SPATA2: variants seen among roughly 807,000 people sequenced by gnomAD.
The protein encoded by SPATA2 is spermatogenesis-associated protein 2.
In SPATA2, 8 loss-of-function variants were observed where a neutral mutation model predicts 35.4. That is an observed-to-expected ratio of 0.23 (90% CI 0.13 to 0.41). SPATA2 has a LOEUF of 0.41. SPATA2 is among the 10% of genes least tolerant of loss of function. The probability of loss-of-function intolerance (pLI) is 1.00; values close to 1 mark genes in which losing one functional copy is unlikely to be tolerated. For synonymous variants in SPATA2, 293 were observed against 300.9 expected (o/e 0.97, Z 0.27); for missense variants, 650 against 698.7 (o/e 0.93, Z 0.79).
Position 49,905,158 on chromosome 20 carries a change from C to T in SPATA2, c.*461G>A, listed in dbSNP as rs1252136976. ...GGAGAGGCCCCGTGTGGCAGGAGGG[C>T]TCATTTCACAAGCCAACAGGCCTCT... On this transcript the variant is annotated 3_prime_UTR_variant, in exon 3 of 3. Coordinates refer to ENST00000289431, the MANE Select transcript of SPATA2 (RefSeq NM_006038.4). The T allele has an allele frequency of 6.3e-6, 1 of 159,718 alleles. No individual in the cohort carries two copies. The highest frequency in any genetic ancestry group is 1.4e-5 in the Non-Finnish European group (1 of 72,270). 9.9% of individuals were successfully genotyped at this position (159,718 alleles called of 1,614,324 possible).
chr20:49,915,121 G>A (rs1472848689), intron 1 of SPATA2, among the ~76,000 whole-genome samples: 1 of 152,184 alleles, frequency 6.6e-6, no homozygotes, highest in Admixed American at 6.5e-5. Context: ...GCCAGTCGCC[G>A]AAGAGGGGTG....
intron 1 of SPATA2, among the ~76,000 whole-genome samples, chr20:49,909,957 G>A (rs2284649): frequency 0.037 from 5,647 of 152,308 alleles, 147 homozygotes; most frequent in East Asian, 0.094. Flanking sequence ...GACAGCCTGC[G>A]GCCCCTTTAT....
intron 1 of SPATA2, among the ~76,000 whole-genome samples, chr20:49,912,726 C>A (rs1385944408): frequency 6.6e-6 from 1 of 152,130 alleles, no homozygotes; most frequent in Non-Finnish European, 1.5e-5. Context: ...CCACAGTCCA[C>A]ACCCTTGTTT....
In SPATA2 at chr20:49,905,693, C is replaced by T; in HGVS notation, c.1489G>A (p.Glu497Lys). 6.2e-7 allele frequency: 1 copy of T among 1,614,232 alleles called. No individual in the cohort carries two copies. The highest frequency in any genetic ancestry group is 8.5e-7 in the Non-Finnish European group (1 of 1,180,048). The change falls in exon 3 of 3, where the codon GAG becomes AAG. Residue 497 changes from glutamate (E) to lysine (K), a missense_variant. Transcript: ENST00000289431. ...TTGTTGGGCATGAACTTGTGCAGCTCACTCTTTTTGTAGCAGGGGTCATAA... is the reference window on the plus strand; with the variant it reads ...TTGTTGGGCATGAACTTGTGCAGCTTACTCTTTTTGTAGCAGGGGTCATAA... ...YHYDPCYKKSELHKFMPNNQL... is the reference protein window; with the variant it reads ...YHYDPCYKKSKLHKFMPNNQL...
chr20:49,915,217 G>A (rs1032213631), intron 1 of SPATA2, among the ~76,000 whole-genome samples, 163 bp downstream of exon 1: 1 of 152,208 alleles, frequency 6.6e-6, no homozygotes, highest in African/African-American at 2.4e-5. Flanking sequence ...CCTGAGGATA[G>A]GCTGGGGGTC....
rs761760666 is a variant in SPATA2 at position 49,908,498 on chromosome 20, A to AG, written c.-9dup. 4 of 1,576,860 alleles carry AG rather than the reference A, an allele frequency of 2.5e-6. No homozygotes were observed. Among genetic ancestry groups the AG allele is most frequent in the Admixed American group, 3.4e-5 (2 of 58,416 alleles). ...TGAACTGGGCTTCCCCATCCGATCG[A>AG]GGGGGGCTACCTTATCTCCTCCATG... is the stretch of plus-strand genomic sequence containing the variant. On this transcript the variant is annotated 5_prime_UTR_variant, in exon 2 of 3. Coordinates refer to ENST00000289431, the MANE Select transcript of SPATA2 (RefSeq NM_006038.4).
In SPATA2 at chr20:49,903,719, C is replaced by T. The variant is rs2090120645; in HGVS notation, c.*1900G>A. ...AGAGTTAGTTACTGTAATGCTGGCG[C>T]AATCTGGAAATGGAAAACTAGAAAA... On this transcript the variant is annotated 3_prime_UTR_variant, in exon 3 of 3. Coordinates refer to ENST00000289431, the MANE Select transcript of SPATA2 (RefSeq NM_006038.4). 6.6e-6 allele frequency: 1 copy of T among 151,804 alleles called. No homozygotes were observed. The highest frequency in any genetic ancestry group is 1.5e-5 in the Non-Finnish European group (1 of 67,992). 9.4% of individuals were successfully genotyped at this position (151,804 alleles called of 1,614,324 possible).
At position 49,906,327 on chromosome 20, in the gene SPATA2, G is replaced by A. The variant is rs773466538; in HGVS notation, c.855C>T (p.Asp285=). The A allele has an allele frequency of 2.2e-5, 36 of 1,606,172 alleles. No homozygotes were observed. The highest frequency in any genetic ancestry group is 1.2e-5 in the Non-Finnish European group (14 of 1,175,372). The change falls in exon 3 of 3, where the codon GAC becomes GAT. Residue 285 remains aspartate (D), a synonymous_variant. Coordinates refer to ENST00000289431, the MANE Select transcript of SPATA2 (RefSeq NM_006038.4). This position sits in a 1 kb window ranked among gnomAD's most constrained non-coding sequence, Gnocchi z 8.2. The stretch of plus-strand genomic sequence containing the variant: ...GGCGGATGATCTCATCCTTGAGGTC[G>A]TCCCCCACATCCGTTGCCACAGGCT... The part of the protein sequence containing the change: ...RKEPVATDVG[D]DLKDEIIRPS...
In SPATA2 at chr20:49,905,492, G is replaced by C; in HGVS notation, c.*127C>G. The C allele has an allele frequency of 7.5e-6, 8 of 1,059,608 alleles. No homozygotes were observed. The highest frequency in any genetic ancestry group is 1.1e-5 in the Non-Finnish European group (8 of 732,852). 65.6% of individuals were successfully genotyped at this position (1,059,608 alleles called of 1,614,324 possible). On this transcript the variant is annotated 3_prime_UTR_variant, in exon 3 of 3. Transcript: ENST00000289431. ...TCCCACGTGGACACAGCCAGCCCAC[G>C]ATCTCTGCCACCTACATGGTCAAGT...
chr20:49,911,266 A>G (rs1165862293), intron 1 of SPATA2, among the ~76,000 whole-genome samples: 1 of 152,152 alleles, frequency 6.6e-6, no homozygotes, highest in Non-Finnish European at 1.5e-5. Context: ...CCTCCCTGGT[A>G]AGCTGGTAAG....
chr20:49,910,822 C>A (rs2090178528), intron 1 of SPATA2, among the ~76,000 whole-genome samples: 1 of 152,172 alleles, frequency 6.6e-6, no homozygotes, highest in Non-Finnish European at 1.5e-5. Flanking sequence ...TGTAGCAAAA[C>A]TAGGGACACA....
rs2090137853 is a variant in SPATA2, at chr20:49,905,814, G to A, written c.1368C>T (p.Pro456=). Residue 456 remains proline (P), a synonymous_variant, in exon 3 of 3, where the codon CCC becomes CCT. Transcript: ENST00000289431. ...LHSKSKPSTT[P]TSRCGFCNRP... The stretch of plus-strand genomic sequence containing the variant: ...GGTTGCAGAAGCCACAGCGGGAAGT[G>A]GGCGTGGTGGAGGGCTTGGATTTGG... 6.2e-7 allele frequency: 1 copy of A among 1,614,208 alleles called. No individual in the cohort carries two copies. The highest frequency in any genetic ancestry group is 8.5e-7 in the Non-Finnish European group (1 of 1,180,008).
At chr20:49,910,892 A>G (rs912534870) in intron 1 of SPATA2, among the ~76,000 whole-genome samples, 1 of 152,208 alleles carries the variant, frequency 6.6e-6, no homozygotes, top group Non-Finnish European at 1.5e-5. Flanking sequence ...ACAGTGACAA[A>G]TAAGGCTGAG....
rs150044824 is a variant in SPATA2, at chr20:49,906,391, C to T, written c.791G>A (p.Arg264Gln). The change falls in exon 3 of 3, where the codon CGG becomes CAG. Residue 264 changes from arginine to glutamine, a missense_variant. Arg to Gln is a conservative substitution (Grantham distance 43). Transcript: ENST00000289431. This position sits in a 1 kb window ranked among gnomAD's most constrained non-coding sequence, Gnocchi z 8.2. ...CAATGAGGCCTTCAGGGGTGGCTTC[C>T]GGCTCTCCCAGTAGCTGTCATAGGC... ...VDAYDSYWESRKPPLKASLSL... is the reference protein window; with the variant it reads ...VDAYDSYWESQKPPLKASLSL... 2.9e-5 allele frequency: 46 copies of T among 1,613,586 alleles called. No homozygotes were observed. Among genetic ancestry groups the T allele is most frequent in the Middle Eastern group, 1.6e-4 (1 of 6,084 alleles).
In SPATA2 at chr20:49,905,355, C is replaced by G; in HGVS notation, c.*264G>C. 1 of 479,354 alleles carries G rather than the reference C, an allele frequency of 2.1e-6. No individual in the cohort carries two copies. Among genetic ancestry groups the G allele is most frequent in the South Asian group, 4.0e-5 (1 of 25,014 alleles). 29.7% of individuals were successfully genotyped at this position (479,354 alleles called of 1,614,324 possible). Reference sequence around the variant, plus strand: ...AACAAAACCCCAAAAAAAGAACCAACTGAACAGGGAGTGGAGAGATTAGCA... The same window carrying G: ...AACAAAACCCCAAAAAAAGAACCAAGTGAACAGGGAGTGGAGAGATTAGCA... On this transcript the variant is annotated 3_prime_UTR_variant, in exon 3 of 3. Transcript: ENST00000289431.
In SPATA2 at chr20:49,906,548, G is replaced by A. The variant is rs193290030; in HGVS notation, c.634C>T (p.Arg212Trp). 95 of 1,613,358 alleles carry A rather than the reference G, an allele frequency of 5.9e-5. No homozygotes were observed. In the East Asian group the frequency reaches 1.0e-3, roughly 17 times the overall value. Residue 212 changes from arginine to tryptophan, a missense_variant, in exon 3 of 3, where the codon CGG becomes TGG. Physicochemically the swap from Arg to Trp is moderately radical, Grantham distance 101. Coordinates refer to ENST00000289431, the MANE Select transcript of SPATA2 (RefSeq NM_006038.4). This position sits in a 1 kb window ranked among gnomAD's most constrained non-coding sequence, Gnocchi z 8.2. Reference sequence around the variant, plus strand: ...TGCTCCCGGCCCTCTGCCCGCCGCCGCAGGGCGTCCGAGCAGCCGCGCACA... The same window carrying A: ...TGCTCCCGGCCCTCTGCCCGCCGCCACAGGGCGTCCGAGCAGCCGCGCACA... ...EDVRGCSDALRRRAEGREHLT... is the reference protein window; with the variant it reads ...EDVRGCSDALWRRAEGREHLT...
intron 1 of SPATA2, among the ~76,000 whole-genome samples, 191 bp downstream of exon 1, chr20:49,915,189 T>C (rs1406935830): frequency 6.6e-6 from 1 of 151,884 alleles, no homozygotes; most frequent in African/African-American, 2.4e-5. Flanking sequence ...GCGAGGCAGC[T>C]CCCGGGAGAA....
In SPATA2 at chr20:49,903,662, G is replaced by A. The variant is rs564109820; in HGVS notation, c.*1957C>T. 5 of 151,946 alleles carry A rather than the reference G, an allele frequency of 3.3e-5. No individual in the cohort carries two copies. In the South Asian group the frequency reaches 1.0e-3, roughly 32 times the overall value. 9.4% of individuals were successfully genotyped at this position (151,946 alleles called of 1,614,324 possible). On this transcript the variant is annotated 3_prime_UTR_variant, in exon 3 of 3. Coordinates refer to ENST00000289431, the MANE Select transcript of SPATA2 (RefSeq NM_006038.4). ...TAGTCATTCCTGCTTTTGTCCATAG[G>A]GTAAGTTACGTGGCATCACGGTTGG...
rs201924593 is a variant in SPATA2 at position 49,908,496 on chromosome 20, C to T, written c.-6G>A. On this transcript the variant is annotated 5_prime_UTR_variant, in exon 2 of 3. Coordinates refer to ENST00000289431, the MANE Select transcript of SPATA2 (RefSeq NM_006038.4). Reference sequence around the variant, plus strand: ...ATTGAACTGGGCTTCCCCATCCGATCGAGGGGGGCTACCTTATCTCCTCCA... The same window carrying T: ...ATTGAACTGGGCTTCCCCATCCGATTGAGGGGGGCTACCTTATCTCCTCCA... The T allele has an allele frequency of 9.5e-6, 15 of 1,577,156 alleles. No individual in the cohort carries two copies. In the African/African-American group the frequency reaches 1.3e-4, roughly 14 times the overall value.
Sources: allele counts gnomAD v4.1 joint callset (sites outside exome capture counted in the v4.1 genomes callset), GRCh38; gene constraint gnomAD v4.1.1; non-coding constraint Gnocchi (gnomAD v3.1); transcripts MANE v1.5; gene names NCBI Gene and HGNC (gene_info 2026-07-23, HGNC 2026-07-21).